The following TNS1 variants were observed in gnomAD, a reference collection of about 807,000 sequenced individuals.
The protein encoded by TNS1 is tensin-1.
In TNS1, 62 loss-of-function variants were observed where a neutral mutation model predicts 168.6. The ratio of observed to expected loss-of-function variants is 0.37; its 90% CI spans 0.30 to 0.45. The LOEUF (loss-of-function observed/expected upper bound fraction) is 0.45. TNS1 is among the 20% of genes least tolerant of loss of function. The probability of loss-of-function intolerance (pLI) is 1.00; values close to 1 mark genes in which losing one functional copy is unlikely to be tolerated. For missense variants in TNS1, 2,240 were observed against 2,339.4 expected, an observed-to-expected ratio of 0.96 and a Z score of 0.88; for synonymous variants, 934 against 933.2, an observed-to-expected ratio of 1.00 and a Z score of -0.02.
chr2:217,819,777 G>C (rs79100277), intron 23 of TNS1, among the ~76,000 whole-genome samples: 2,069 of 152,282 alleles, frequency 0.014, 55 homozygotes, highest in African/African-American at 0.047. Context: ...AGGTTGACAG[G>C]GGCCTTACAT....
At chr2:218,028,427 T>A (rs1485899651) in intron 1 of TNS1, among the ~76,000 whole-genome samples, 1 of 152,138 alleles carries the variant, frequency 6.6e-6, no homozygotes, top group Non-Finnish European at 1.5e-5. Flanking sequence ...GTCTGTGGGG[T>A]CTCTACCTGT....
At chr2:217,940,343 G>C (rs532722431) in intron 3 of TNS1, among the ~76,000 whole-genome samples, 2 of 152,284 alleles carry the variant, frequency 1.3e-5, no homozygotes, top group African/African-American at 4.8e-5. Context: ...CAAACATATC[G>C]CTCAACTGGG....
At chr2:217,842,627 C>T (rs1301077367) in intron 19 of TNS1, among the ~76,000 whole-genome samples, 2 of 152,194 alleles carry the variant, frequency 1.3e-5, no homozygotes, top group African/African-American at 4.8e-5. Context: ...CAATTCAGAA[C>T]AAGTCAGATG....
chr2:217,893,960 G>C (rs994657518), intron 9 of TNS1, among the ~76,000 whole-genome samples: 2 of 152,220 alleles, frequency 1.3e-5, no homozygotes, highest in African/African-American at 4.8e-5. Flanking sequence ...CTGTCCTCAA[G>C]CTCTTCTCCT....
chr2:217,971,027 G>T (rs1957763261), intron 3 of TNS1, among the ~76,000 whole-genome samples: 1 of 152,140 alleles, frequency 6.6e-6, no homozygotes, highest in South Asian at 2.1e-4. Flanking sequence ...TAGACCAATG[G>T]TTCTCAAATG....
rs1958908037 is a variant in TNS1, at chr2:218,032,779, G to A, written c.156+1041C>T. Among the ~76,000 whole-genome samples the A allele has an allele frequency of 6.6e-6, 1 of 152,172 alleles. No individual in the cohort carries two copies. Among genetic ancestry groups the A allele is most frequent in the South Asian group, 2.1e-4 (1 of 4,832 alleles). ...AGAGTCAGGGCACAGCAGCTGGGAT[G>A]GAGCTTGATCCCCACAGACAGAGGA... On this transcript the variant is annotated intron_variant, in intron 1 of 1. Coordinates refer to the TNS1 transcript ENST00000649572. This position sits in a 1 kb window ranked among gnomAD's most constrained non-coding sequence, Gnocchi z 4.0.
intron 3 of TNS1, among the ~76,000 whole-genome samples, chr2:217,968,217 C>T (rs887065098): frequency 2.6e-5 from 4 of 152,170 alleles, no homozygotes; most frequent in African/African-American, 7.2e-5. Flanking sequence ...TGGATAGTTT[C>T]CTCCTAAGTT....
intron 3 of TNS1, among the ~76,000 whole-genome samples, chr2:217,978,425 C>G (rs1957947277): frequency 6.6e-6 from 1 of 152,166 alleles, no homozygotes; most frequent in East Asian, 1.9e-4. Flanking sequence ...ATCCCCTCCC[C>G]CTTTCCCTCT....
intron 3 of TNS1, among the ~76,000 whole-genome samples, chr2:217,934,603 TC>T: frequency 6.6e-6 from 1 of 152,258 alleles, no homozygotes; most frequent in East Asian, 1.9e-4. Flanking sequence ...CTTCATTGGC[TC>T]CAATCCTGCC....
intron 4 of TNS1, among the ~76,000 whole-genome samples, chr2:217,916,069 C>T (rs978289046): frequency 6.6e-6 from 1 of 152,224 alleles, no homozygotes; most frequent in African/African-American, 2.4e-5. Flanking sequence ...GGGATCATCA[C>T]AGCACCTCCC....
chr2:218,003,805 T>G (rs1460097436), upstream of TNS1, among the ~76,000 whole-genome samples: 2 of 37,690 alleles, frequency 5.3e-5, no homozygotes, highest in African/African-American at 2.2e-4. Context: ...TCCCCCTCCC[T>G]GGGCCCAGTT....
intron 3 of TNS1, 75 bp downstream of exon 3, chr2:217,978,690 C>T (rs1957956613): frequency 2.9e-6 from 2 of 683,960 alleles, no homozygotes; most frequent in Non-Finnish European, 5.3e-6. Flanking sequence ...CCCGCCGGCG[C>T]CCCCGCTCCA....
At chr2:217,938,895 A>T (rs1956770897) in intron 3 of TNS1, among the ~76,000 whole-genome samples, 1 of 152,064 alleles carries the variant, frequency 6.6e-6, no homozygotes, top group African/African-American at 2.4e-5. Context: ...AGAGTGGGGG[A>T]AGAGAAGATT....
At chr2:217,960,812 T>C (rs1013557465) in intron 3 of TNS1, among the ~76,000 whole-genome samples, 1 of 152,104 alleles carries the variant, frequency 6.6e-6, no homozygotes, top group Non-Finnish European at 1.5e-5. Context: ...TGCAGTTCGA[T>C]CTGTTTCCCC....
chr2:217,899,458 A>G (rs1952695611), intron 7 of TNS1, among the ~76,000 whole-genome samples: 1 of 152,192 alleles, frequency 6.6e-6, no homozygotes, highest in African/African-American at 2.4e-5. Flanking sequence ...AGTGGGTGTG[A>G]GGGCGGGGAG....
chr2:217,996,127 C>A (rs997968662), intron 1 of TNS1, among the ~76,000 whole-genome samples: 2 of 152,136 alleles, frequency 1.3e-5, no homozygotes, highest in African/African-American at 4.8e-5. Context: ...GGGTGATAGA[C>A]CCCGGGGTCC....
At chr2:217,891,320 C>A (rs1255850933) in intron 11 of TNS1, among the ~76,000 whole-genome samples, 2 of 152,166 alleles carry the variant, frequency 1.3e-5, no homozygotes, top group African/African-American at 4.8e-5. Flanking sequence ...ACTTATGAGC[C>A]CCGTGTCCTG....
At chr2:217,903,997 G>A (rs1953345016) in intron 6 of TNS1, among the ~76,000 whole-genome samples, 1 of 152,200 alleles carries the variant, frequency 6.6e-6, no homozygotes, top group African/African-American at 2.4e-5. Flanking sequence ...GCCATTTCCT[G>A]AGCCCAGATC....
chr2:218,012,815 T>G (rs561844916), upstream of TNS1, among the ~76,000 whole-genome samples: 1 of 152,288 alleles, frequency 6.6e-6, no homozygotes, highest in African/African-American at 2.4e-5. Context: ...TCCTGAAAGA[T>G]TCTAGCCAGG....
Sources: allele counts gnomAD v4.1 joint callset (sites outside exome capture counted in the v4.1 genomes callset), GRCh38; gene constraint gnomAD v4.1.1; non-coding constraint Gnocchi (gnomAD v3.1); transcripts MANE v1.5; gene names NCBI Gene and HGNC (gene_info 2026-07-23, HGNC 2026-07-21).